Variants in ATP9A observed in about 807,000 individuals in gnomAD.
ATP9A encodes the protein probable phospholipid-transporting ATPase IIA.
ATP9A carries 52 observed loss-of-function variants against 144.1 expected under a neutral mutation model. The observed-to-expected ratio is 0.36, with a 90% CI of 0.29 to 0.45. The LOEUF is 0.45. Among genes scored for constraint, ATP9A ranks in the 20% least tolerant of loss-of-function variants. The pLI is 1.00. For synonymous variants in ATP9A, 582 were observed against 557.4 expected, an observed-to-expected ratio of 1.04 and a Z score of -0.62; for missense variants, 947 against 1,392.7, an observed-to-expected ratio of 0.68 and a Z score of 5.09.
chr20:51,735,006 C>T (rs774133659), intron 1 of ATP9A: 2 of 204,452 alleles, frequency 9.8e-6, no homozygotes, highest in Non-Finnish European at 2.1e-5. Flanking sequence ...GACTGCAGCT[C>T]CAGCTTCAGT....
At chr20:51,646,124 C>T (rs573272033) in intron 14 of ATP9A, among the ~76,000 whole-genome samples, 70 of 152,304 alleles carry the variant, frequency 4.6e-4, no homozygotes, top group African/African-American at 1.3e-3. Context: ...AGGGGCAGAG[C>T]CCACACCTTT....
rs565270921 is a variant in ATP9A at position 51,614,154 on chromosome 20, T to G, written c.2416-322A>C. Among the ~76,000 whole-genome samples, 125 of 152,240 alleles carry G rather than the reference T, an allele frequency of 8.2e-4. 3 individuals are homozygous for G. In the South Asian group the frequency reaches 0.011, roughly 14 times the overall value. Reference sequence around the variant, plus strand: ...GATATTTTAAAACATTCAGTTCCCTTAAGAGCTAATTAAACAAGAGGCAAA... The same window carrying G: ...GATATTTTAAAACATTCAGTTCCCTGAAGAGCTAATTAAACAAGAGGCAAA... On this transcript the variant is annotated intron_variant, in intron 22 of 27. Coordinates refer to ENST00000338821, the MANE Select transcript of ATP9A (RefSeq NM_006045.3).
At chr20:51,728,614 G>A (rs181944843) in intron 2 of ATP9A, among the ~76,000 whole-genome samples, 198 of 130,380 alleles carry the variant, frequency 1.5e-3, no homozygotes, top group Non-Finnish European at 2.3e-3. Flanking sequence ...GCGACAGAGC[G>A]AGACTCCATC....
chr20:51,632,514 A>T (rs1358308446), intron 15 of ATP9A, among the ~76,000 whole-genome samples: 2 of 152,212 alleles, frequency 1.3e-5, no homozygotes, highest in African/African-American at 4.8e-5. Context: ...TGTCCTGTGC[A>T]TTGCAGGATG....
At chr20:51,658,893 G>GGGGGA (rs2077399418) in intron 13 of ATP9A, among the ~76,000 whole-genome samples, 1 of 119,674 alleles carries the variant, frequency 8.4e-6, no homozygotes, top group African/African-American at 3.5e-5. Flanking sequence ...ACTGGCGGGG[G>GGGGGA]GGGGGGGGGG....
chr20:51,603,047 G>A (rs1164418509), intron 27 of ATP9A, among the ~76,000 whole-genome samples: 2 of 146,138 alleles, frequency 1.4e-5, no homozygotes, highest in Non-Finnish European at 3.0e-5. Flanking sequence ...GGTTTCCCAC[G>A]GAGGATGGGG....
At chr20:51,757,359 A>T (rs750709968) in intron 1 of ATP9A, among the ~76,000 whole-genome samples, 2 of 152,138 alleles carry the variant, frequency 1.3e-5, no homozygotes, top group Non-Finnish European at 2.9e-5. Context: ...TGCCCGTGGC[A>T]CGTGGGAGAT....
chr20:51,657,710 G>GC (rs1362343002), intron 13 of ATP9A, among the ~76,000 whole-genome samples: 1 of 152,158 alleles, frequency 6.6e-6, no homozygotes, highest in African/African-American at 2.4e-5. Context: ...ACAACAGAAG[G>GC]CAACAACCTC....
chr20:51,725,679 G>A (rs1326372876), intron 3 of ATP9A, 140 bp downstream of exon 3: 2 of 607,494 alleles, frequency 3.3e-6, no homozygotes, highest in Admixed American at 5.8e-5. Context: ...AAGTCTCAGA[G>A]ACTCCCAATG....
At chr20:51,736,023 G>C (rs369322604) in intron 1 of ATP9A, among the ~76,000 whole-genome samples, 1 of 152,220 alleles carries the variant, frequency 6.6e-6, no homozygotes, top group East Asian at 1.9e-4. Flanking sequence ...ATGAGGAAGG[G>C]GTGTGGCTCC....
chr20:51,640,165 CA>C, intron 14 of ATP9A, among the ~76,000 whole-genome samples: 1 of 152,158 alleles, frequency 6.6e-6, no homozygotes, highest in Non-Finnish European at 1.5e-5. Flanking sequence ...GTATCTGCAA[CA>C]AGCTAAACAA....
At chr20:51,758,544 C>G (rs1438396152) in intron 1 of ATP9A, among the ~76,000 whole-genome samples, 1 of 152,176 alleles carries the variant, frequency 6.6e-6, no homozygotes. Flanking sequence ...GCATGCAAGA[C>G]AGAGGTCAAG....
intron 14 of ATP9A, among the ~76,000 whole-genome samples, chr20:51,644,522 G>A (rs1196777681): frequency 1.3e-5 from 2 of 151,334 alleles, no homozygotes; most frequent in African/African-American, 4.8e-5. Context: ...TGCCCACCTC[G>A]GCCTCCCAAA....
chr20:51,713,109 G>A lies in ATP9A; in HGVS notation c.328-35C>T, dbSNP rs775489793. 3.2e-6 allele frequency: 5 copies of A among 1,572,056 alleles called. No homozygotes were observed. The East Asian group carries it at 9.3e-5, about 29-fold the overall frequency. On this transcript the variant is annotated intron_variant, in intron 3 of 27. Coordinates refer to ENST00000338821, the MANE Select transcript of ATP9A (RefSeq NM_006045.3). ...CAGACGACAGTGAGTCTTGCTACAG[G>A]CAGTGAGCCCTGCTGCAGCCAACCG... is the stretch of plus-strand genomic sequence containing the variant.
chr20:51,673,141 A>T (rs6013250), intron 11 of ATP9A, among the ~76,000 whole-genome samples: 1 of 152,010 alleles, frequency 6.6e-6, no homozygotes, highest in African/African-American at 2.4e-5. Context: ...TGGGAAGCTG[A>T]GGCGGGTGGA....
chr20:51,760,836 A>G (rs936352249), intron 1 of ATP9A, among the ~76,000 whole-genome samples: 1 of 152,134 alleles, frequency 6.6e-6, no homozygotes, highest in Non-Finnish European at 1.5e-5. Context: ...CATCCTGGTC[A>G]ACATGGTGAA....
chr20:51,763,893 A>G (rs1362634271), intron 1 of ATP9A, among the ~76,000 whole-genome samples: 1 of 152,162 alleles, frequency 6.6e-6, no homozygotes, highest in African/African-American at 2.4e-5. Context: ...GCCTCGACAT[A>G]CCTGGACAGA....
intron 1 of ATP9A, among the ~76,000 whole-genome samples, chr20:51,753,303 G>A (rs530830449): frequency 3.9e-5 from 6 of 152,136 alleles, no homozygotes; most frequent in Admixed American, 1.3e-4. Flanking sequence ...AAATTAGCTG[G>A]GCGTGGTGGT....
intron 3 of ATP9A, among the ~76,000 whole-genome samples, chr20:51,722,933 C>T (rs569577582): frequency 4.1e-4 from 63 of 152,316 alleles, no homozygotes; most frequent in Non-Finnish European, 8.5e-4. Context: ...GTGGAACCAA[C>T]CCCAGTAGCT....
Sources: gnomAD v4.1 joint callset for allele counts (sites outside exome capture counted in the v4.1 genomes callset) on GRCh38, gnomAD v4.1.1 for gene constraint, MANE v1.5 for transcripts, NCBI Gene and HGNC (gene_info 2026-07-23, HGNC 2026-07-21) for gene names.